The following ADAMTSL3 variants were observed in gnomAD, a reference collection of about 807,000 sequenced individuals.
ADAMTSL3 encodes the protein ADAMTS-like protein 3.
Under a neutral mutation model 201.7 loss-of-function variants are expected in ADAMTSL3, and 128 were observed. The ratio of observed to expected loss-of-function variants is 0.63; its 90% CI spans 0.55 to 0.73. ADAMTSL3 has a LOEUF of 0.73. ADAMTSL3 is among the 30% of genes least tolerant of loss of function. ADAMTSL3 has a pLI of 0.00. For synonymous variants in ADAMTSL3, 738 were observed against 748.4 expected, an observed-to-expected ratio of 0.99 and a Z score of 0.23; for missense variants, 1,990 against 2,119.6, an observed-to-expected ratio of 0.94 and a Z score of 1.20.
intron 20 of ADAMTSL3, among the ~76,000 whole-genome samples, chr15:83,973,498 C>T (rs1390569339): frequency 1.3e-5 from 2 of 152,112 alleles, no homozygotes; most frequent in African/African-American, 2.4e-5. Flanking sequence ...CTAGCCTGAG[C>T]CACCAGGATT....
intron 24 of ADAMTSL3, 111 bp from the exon 25 acceptor site, chr15:84,016,272 G>A (rs1191729988): frequency 1.3e-6 from 1 of 767,994 alleles, no homozygotes; most frequent in East Asian, 2.6e-5. Context: ...CAGGAGCACA[G>A]TATTATTATA....
At chr15:83,868,953 C>T (rs752364060) in intron 8 of ADAMTSL3, among the ~76,000 whole-genome samples, 1 of 152,100 alleles carries the variant, frequency 6.6e-6, no homozygotes, top group East Asian at 1.9e-4. Flanking sequence ...GATCACCTTC[C>T]CAGATTTTTA....
At chr15:83,887,952 C>T (rs764747581) in intron 10 of ADAMTSL3, among the ~76,000 whole-genome samples, 14 of 152,122 alleles carry the variant, frequency 9.2e-5, no homozygotes, top group Admixed American at 2.6e-4. Flanking sequence ...TTCAGAGAGA[C>T]GTTCACATTT....
At chr15:83,811,346 T>C (rs1443399471) in intron 5 of ADAMTSL3, among the ~76,000 whole-genome samples, 1 of 152,206 alleles carries the variant, frequency 6.6e-6, no homozygotes, top group Admixed American at 6.5e-5. Context: ...CAATAATTTG[T>C]GAAACTATTT....
At chr15:83,757,582 C>A (rs879386185) in intron 3 of ADAMTSL3, among the ~76,000 whole-genome samples, 3 of 152,184 alleles carry the variant, frequency 2.0e-5, no homozygotes, top group Non-Finnish European at 4.4e-5. Context: ...TCTGACATGC[C>A]CTGAAGACAT....
chr15:83,738,408 C>A (rs1026678818), intron 3 of ADAMTSL3, among the ~76,000 whole-genome samples: 1 of 152,082 alleles, frequency 6.6e-6, no homozygotes, highest in African/African-American at 2.4e-5. Flanking sequence ...GTCACTTACA[C>A]TTTTTAAATT....
chr15:83,718,276 C>G (rs1403334953), intron 3 of ADAMTSL3, among the ~76,000 whole-genome samples: 1 of 152,028 alleles, frequency 6.6e-6, no homozygotes, highest in Non-Finnish European at 1.5e-5. Context: ...TATTCTGGGT[C>G]TGGAGGTAAA....
chr15:83,857,115 A>G (rs1008603481), intron 7 of ADAMTSL3, among the ~76,000 whole-genome samples: 7 of 152,060 alleles, frequency 4.6e-5, no homozygotes, highest in South Asian at 2.1e-4. Flanking sequence ...GGCCATTTGT[A>G]TAGCTGTTTT....
chr15:83,859,741 A>T (rs1466373600), intron 8 of ADAMTSL3, among the ~76,000 whole-genome samples: 1 of 152,186 alleles, frequency 6.6e-6, no homozygotes, highest in Non-Finnish European at 1.5e-5. Context: ...TAGTCTATAT[A>T]ACCAGGGAAA....
intron 2 of ADAMTSL3, among the ~76,000 whole-genome samples, chr15:83,671,618 T>C (rs1410111337): frequency 1.3e-5 from 2 of 152,192 alleles, no homozygotes; most frequent in African/African-American, 4.8e-5. Flanking sequence ...ATTTTGTAAA[T>C]TTTCACAGCT....
chr15:83,922,694 A>G (rs1373183256), intron 16 of ADAMTSL3, among the ~76,000 whole-genome samples: 4 of 152,250 alleles, frequency 2.6e-5, no homozygotes, highest in Admixed American at 2.0e-4. Context: ...TAAAATTACA[A>G]CTGAAGACAG....
intron 2 of ADAMTSL3, among the ~76,000 whole-genome samples, chr15:83,676,556 T>C (rs1257271015): frequency 6.6e-6 from 1 of 152,038 alleles, no homozygotes; most frequent in East Asian, 1.9e-4. Flanking sequence ...TGGGCGCCTG[T>C]AGTCCCAGCT....
intron 2 of ADAMTSL3, among the ~76,000 whole-genome samples, chr15:83,658,764 C>A (rs1387470980): frequency 2.0e-5 from 3 of 152,226 alleles, no homozygotes; most frequent in Admixed American, 2.0e-4. Flanking sequence ...GCTTTCCAAA[C>A]TTTATCTAGC....
At chr15:83,719,857 G>C (rs940956773) in intron 3 of ADAMTSL3, among the ~76,000 whole-genome samples, 1 of 152,204 alleles carries the variant, frequency 6.6e-6, no homozygotes, top group African/African-American at 2.4e-5. Context: ...GCTTGGAGGA[G>C]TTAACAGCCT....
At chr15:83,796,286 A>G (rs1253076941) in intron 4 of ADAMTSL3, among the ~76,000 whole-genome samples, 1 of 152,238 alleles carries the variant, frequency 6.6e-6, no homozygotes, top group Non-Finnish European at 1.5e-5. Flanking sequence ...AAAATCCAAG[A>G]GTACTTGTAC....
chr15:83,997,411 A>ATTTAGT lies in ADAMTSL3; in HGVS notation c.3973+6197_3973+6198insTTTAGT, dbSNP rs2067707690. ...GAGACCAGCCTGGCCAATATGATGA[A>ATTTAGT]ACCCTGTCTCTACTAAAAATACAAA... On this transcript the variant is annotated intron_variant, in intron 23 of 29. Coordinates refer to ENST00000286744, the MANE Select transcript of ADAMTSL3 (RefSeq NM_207517.3). 2.0e-5 allele frequency among the ~76,000 whole-genome samples: 3 copies of ATTTAGT among 152,096 alleles called. No individual in the cohort carries two copies. The South Asian group carries it at 6.2e-4, about 32-fold the overall frequency.
At chr15:83,989,282 C>A (rs1002692455) in intron 22 of ADAMTSL3, among the ~76,000 whole-genome samples, 6 of 152,196 alleles carry the variant, frequency 3.9e-5, no homozygotes, top group African/African-American at 1.2e-4. Flanking sequence ...CTGGACTCCA[C>A]CCCTAGAAGT....
At chr15:83,677,277 G>T (rs887581085) in intron 2 of ADAMTSL3, among the ~76,000 whole-genome samples, 5 of 152,082 alleles carry the variant, frequency 3.3e-5, no homozygotes, top group Admixed American at 6.5e-5. Flanking sequence ...TTCTTTAGAT[G>T]TCAATTAGAT....
chr15:83,944,899 C>T (rs2066626827), intron 19 of ADAMTSL3, among the ~76,000 whole-genome samples: 1 of 152,080 alleles, frequency 6.6e-6, no homozygotes, highest in Non-Finnish European at 1.5e-5. Context: ...TTCCCATTGC[C>T]CTTGATAGAA....
Sources: gnomAD v4.1 joint callset for allele counts (sites outside exome capture counted in the v4.1 genomes callset) on GRCh38, gnomAD v4.1.1 for gene constraint, MANE v1.5 for transcripts, NCBI Gene and HGNC (gene_info 2026-07-23, HGNC 2026-07-21) for gene names.